The following ACSS1 variants were observed in gnomAD, a reference collection of about 807,000 sequenced individuals.
ACSS1 encodes acyl-CoA synthetase short chain family member 1, also known as acetyl-coenzyme A synthetase 2-like, mitochondrial.
A neutral mutation model predicts 75.3 loss-of-function variants in ACSS1; 42 were observed. The observed-to-expected ratio is 0.56, with a 90% CI of 0.44 to 0.72. The LOEUF is 0.72. ACSS1 is among the 30% of genes least tolerant of loss of function. The pLI is 0.00. For synonymous variants in ACSS1, 380 were observed against 376.8 expected (o/e 1.01, Z -0.10); for missense variants, 782 against 935.7 (o/e 0.84, Z 2.14).
chr20:25,023,339 C>T (rs1209711991), intron 4 of ACSS1, 127 bp downstream of exon 4: 1 of 1,221,142 alleles, frequency 8.2e-7, no homozygotes, highest in African/African-American at 1.5e-5. Flanking sequence ...CTCAAGCTCA[C>T]CAAATACCAC....
chr20:25,037,971 C>T (rs1417049668), intron 2 of ACSS1, among the ~76,000 whole-genome samples: 1 of 152,234 alleles, frequency 6.6e-6, no homozygotes, highest in Admixed American at 6.5e-5. Context: ...TGAAATTTCT[C>T]ACGTCATTAT....
chr20:25,031,085 C>T, intron 2 of ACSS1, 127 bp from the exon 3 acceptor site: 1 of 921,040 alleles, frequency 1.1e-6, no homozygotes, highest in African/African-American at 1.6e-5. Context: ...AAAACAGGCA[C>T]TTGAATACTT....
chr20:25,037,856 C>T (rs1258142993), intron 2 of ACSS1, among the ~76,000 whole-genome samples: 3 of 152,198 alleles, frequency 2.0e-5, no homozygotes, highest in Non-Finnish European at 2.9e-5. Context: ...CTGGCCCTGA[C>T]ATTACTGTAG....
chr20:25,009,139 G>A, intron 13 of ACSS1, 131 bp downstream of exon 13: 1 of 849,082 alleles, frequency 1.2e-6, no homozygotes. Flanking sequence ...CACCAGCCAG[G>A]AAAACCAAAC....
chr20:25,035,410 C>CT (rs59082208), intron 2 of ACSS1, among the ~76,000 whole-genome samples: 200 of 144,446 alleles, frequency 1.4e-3, no homozygotes, highest in East Asian at 2.0e-3. Flanking sequence ...TTCCAGGTGA[C>CT]TTTTTTTTTT....
rs187720253 is a variant in ACSS1 at position 25,023,682 on chromosome 20, C to T, written c.632-41G>A. 17 of 1,536,256 alleles carry T rather than the reference C, an allele frequency of 1.1e-5. No homozygotes were observed. The East Asian group carries it at 1.4e-4, about 12-fold the overall frequency. Reference sequence around the variant, plus strand: ...CAGACATTTCTGATCAGTCTCCTCCCGACTTTAACCCTCATAGCTCTGACT... The same window carrying T: ...CAGACATTTCTGATCAGTCTCCTCCTGACTTTAACCCTCATAGCTCTGACT... On this transcript the variant is annotated intron_variant, in intron 3 of 13. Coordinates refer to ENST00000323482, the MANE Select transcript of ACSS1 (RefSeq NM_032501.4).
At chr20:25,047,021 C>A in intron 2 of ACSS1, 1 of 706,306 alleles carries the variant, frequency 1.4e-6, no homozygotes, top group Non-Finnish European at 2.6e-6. Context: ...GGACAGGGCC[C>A]ACTGGGAGCC....
At chr20:25,050,985 C>A (rs1307658940) in intron 1 of ACSS1, among the ~76,000 whole-genome samples, 3 of 152,140 alleles carry the variant, frequency 2.0e-5, no homozygotes, top group South Asian at 2.1e-4. Context: ...CACAGTGTCC[C>A]CCAGGTGCCT....
intron 2 of ACSS1, among the ~76,000 whole-genome samples, chr20:25,035,027 T>C (rs1459019250): frequency 4.0e-5 from 6 of 151,736 alleles, no homozygotes; most frequent in Non-Finnish European, 8.8e-5. Context: ...CCGGAGTAGC[T>C]GGGACTACAG....
At chr20:25,024,254 C>T (rs951434777) in intron 3 of ACSS1, among the ~76,000 whole-genome samples, 1 of 152,164 alleles carries the variant, frequency 6.6e-6, no homozygotes, top group African/African-American at 2.4e-5. Flanking sequence ...CTCAGCCAGG[C>T]CCAGGGGGAA....
Position 25,057,826 on chromosome 20 carries a change from A to G in ACSS1, c.277T>C (p.Cys93Arg). The G allele has an allele frequency of 1.2e-6, 2 of 1,605,990 alleles. No homozygotes were observed. Among genetic ancestry groups the G allele is most frequent in the Non-Finnish European group, 1.7e-6 (2 of 1,174,852 alleles). ...CCGATCTTGCCAGTGCTGAAGTCGC[A>G]GTCCCAGACGGTGTGGTAGGGGGTG... is the stretch of plus-strand genomic sequence containing the variant. ...WDTPYHTVWDCDFSTGKIGWF... is the reference protein window; with the variant it reads ...WDTPYHTVWDRDFSTGKIGWF... The change falls in exon 1 of 14, where the codon TGC (cysteine) becomes CGC (arginine). Residue 93 changes from cysteine (C) to arginine (R), a missense_variant. Physicochemically the swap from Cys to Arg is radical, Grantham distance 180 (BLOSUM62 -3). Around this residue, in one of 2 missense-constraint regions of ACSS1, gnomAD observed 377 missense variants for 383.1 expected, o/e 0.98. Coordinates refer to ENST00000323482, the MANE Select transcript of ACSS1 (RefSeq NM_032501.4).
intron 2 of ACSS1, chr20:25,046,289 T>A (rs1292073912): frequency 6.5e-6 from 1 of 154,294 alleles, no homozygotes; most frequent in African/African-American, 2.4e-5. Flanking sequence ...CAGGGCCATT[T>A]CAGTGTCATG....
At chr20:25,034,964 C>T (rs1156996551) in intron 2 of ACSS1, among the ~76,000 whole-genome samples, 1 of 152,016 alleles carries the variant, frequency 6.6e-6, no homozygotes, top group African/African-American at 2.4e-5. Context: ...GCGATCTCCA[C>T]CCACTGCAAG....
intron 1 of ACSS1, among the ~76,000 whole-genome samples, chr20:25,052,608 C>G (rs1319193063): frequency 2.6e-5 from 4 of 152,260 alleles, no homozygotes; most frequent in Non-Finnish European, 5.9e-5. Flanking sequence ...TGGTTCATCT[C>G]CTCATTAGAA....
intron 7 of ACSS1, among the ~76,000 whole-genome samples, chr20:25,018,934 G>T (rs988089369): frequency 6.6e-6 from 1 of 152,222 alleles, no homozygotes; most frequent in Non-Finnish European, 1.5e-5. Flanking sequence ...CCACCCTGTA[G>T]GTAGGTCTCA....
At chr20:25,030,339 C>T (rs1311449027) in intron 3 of ACSS1, among the ~76,000 whole-genome samples, 1 of 152,236 alleles carries the variant, frequency 6.6e-6, no homozygotes, top group East Asian at 1.9e-4. Flanking sequence ...TCACCTGACT[C>T]CAGATCCCCA....
At chr20:25,029,350 C>T (rs1304380589) in intron 3 of ACSS1, among the ~76,000 whole-genome samples, 8 of 152,086 alleles carry the variant, frequency 5.3e-5, no homozygotes, top group African/African-American at 1.4e-4. Context: ...CTTACTATGA[C>T]GGCTGTAATT....
At chr20:25,020,287 C>A (rs372568542) in intron 6 of ACSS1, 140 bp from the exon 7 acceptor site, 6 of 1,176,314 alleles carry the variant, frequency 5.1e-6, no homozygotes, top group East Asian at 2.5e-5. Flanking sequence ...CCCAACCCCC[C>A]ACCCCCGCCA....
intron 2 of ACSS1, among the ~76,000 whole-genome samples, chr20:25,037,032 A>AAGGAAGGAAGGAAGGAAGGAAGGAAG (rs1600336466): frequency 2.0e-5 from 2 of 100,106 alleles, no homozygotes; most frequent in African/African-American, 3.9e-5. Context: ...AAGGAAGGAA[A>AAGGAAGGAAGGAAGGAAGGAAGGAAG]GAAAGAAAGA....
Sources: gnomAD v4.1 joint callset for allele counts (sites outside exome capture counted in the v4.1 genomes callset) on GRCh38, gnomAD v4.1.1 for gene constraint, gnomAD v4.1.1 regional missense constraint, MANE v1.5 for transcripts, NCBI Gene and HGNC (gene_info 2026-07-23, HGNC 2026-07-21) for gene names.